The following GPATCH8 variants were observed in gnomAD, a reference collection of about 807,000 sequenced individuals.
GPATCH8 encodes the protein G patch domain-containing protein 8.
GPATCH8 carries 18 observed loss-of-function variants against 118.3 expected under a neutral mutation model. The ratio of observed to expected loss-of-function variants is 0.15; its 90% CI spans 0.11 to 0.23. The LOEUF is 0.23. Among genes scored for constraint, GPATCH8 ranks in the 10% least tolerant of loss-of-function variants. GPATCH8 has a pLI of 1.00. For synonymous variants in GPATCH8, 659 were observed against 684.7 expected (o/e 0.96, Z 0.59); for missense variants, 1,631 against 1,873.8 (o/e 0.87, Z 2.39).
At chr17:44,458,747 C>A (rs2051436613) in intron 3 of GPATCH8, among the ~76,000 whole-genome samples, 1 of 152,116 alleles carries the variant, frequency 6.6e-6, no homozygotes, top group Non-Finnish European at 1.5e-5. Context: ...TGGTCTTGAA[C>A]CCTTGGCCTC....
chr17:44,453,853 T>C (rs2051226911), intron 3 of GPATCH8, among the ~76,000 whole-genome samples: 2 of 152,048 alleles, frequency 1.3e-5, no homozygotes, highest in South Asian at 4.1e-4. Context: ...TTTTAAACTA[T>C]TCCTGGAGAC....
chr17:44,467,011 T>C (rs2051795041), intron 2 of GPATCH8: 1 of 491,692 alleles, frequency 2.0e-6, no homozygotes, highest in Admixed American at 2.4e-5. Flanking sequence ...TGTTATATTA[T>C]GAATGCACTC....
At position 44,400,607 on chromosome 17, in the gene GPATCH8, T is replaced by A; in HGVS notation, c.1470A>T (p.Val490=). The A allele has an allele frequency of 6.2e-7, 1 of 1,614,108 alleles. No individual in the cohort carries two copies. The highest frequency in any genetic ancestry group is 8.5e-7 in the Non-Finnish European group (1 of 1,179,940). ...AEAKKALGGD[V]SDQSLESHSQ... ...TATGACTTTCTAAACTCTGATCACTTACATCCCCTCCTAAGGCCTTCTTTG... is the reference window on the plus strand; with the variant it reads ...TATGACTTTCTAAACTCTGATCACTAACATCCCCTCCTAAGGCCTTCTTTG... Residue 490 remains valine (V), a synonymous_variant, in exon 8 of 8, where the codon GTA becomes GTT. Transcript: ENST00000591680.
intron 4 of GPATCH8, 33 bp from the exon 5 acceptor site, chr17:44,435,184 C>T (rs766361045): frequency 1.1e-6 from 1 of 928,030 alleles, no homozygotes. Flanking sequence ...AGATTTAATT[C>T]CTAAAGTACC....
chr17:44,491,446 C>A (rs935407058), intron 1 of GPATCH8, among the ~76,000 whole-genome samples: 1 of 149,954 alleles, frequency 6.7e-6, no homozygotes, highest in Non-Finnish European at 1.5e-5. Context: ...CGAGATTGCG[C>A]CACTGCACTC....
intron 3 of GPATCH8, among the ~76,000 whole-genome samples, chr17:44,454,733 C>A (rs1285275826): frequency 6.6e-6 from 1 of 152,208 alleles, no homozygotes; most frequent in Non-Finnish European, 1.5e-5. Flanking sequence ...CTTTCCTTTT[C>A]TGTTTTATCC....
chr17:44,431,460 G>A (rs1333861727), intron 5 of GPATCH8, among the ~76,000 whole-genome samples: 1 of 151,288 alleles, frequency 6.6e-6, no homozygotes, highest in Admixed American at 6.6e-5. Flanking sequence ...AATGTGATGG[G>A]ATCATGAAGT....
At position 44,398,958 on chromosome 17, in the gene GPATCH8, C is replaced by T. The variant is rs764196420; in HGVS notation, c.3119G>A (p.Arg1040Gln). 4.0e-5 allele frequency: 64 copies of T among 1,614,000 alleles called. No homozygotes were observed. Among genetic ancestry groups the T allele is most frequent in the Non-Finnish European group, 5.3e-5 (62 of 1,180,024 alleles). The change falls in exon 8 of 8, where the codon CGA (arginine) becomes CAA (glutamine). Residue 1040 changes from arginine (R) to glutamine (Q), a missense_variant. Physicochemically the swap from Arg to Gln is conservative, Grantham distance 43. This residue lies in a region of GPATCH8 where 922 missense variants were observed against 879.7 expected (regional missense o/e 1.05). Transcript: ENST00000591680. ...CCCAGGACCTTCTCCCCGGCCTGAT[C>T]GGAAATAGTGGGGGGACTGGGAGCG... is the stretch of plus-strand genomic sequence containing the variant. ...IYRSQSPHYFRSGRGEGPGKK... is the reference protein window; with the variant it reads ...IYRSQSPHYFQSGRGEGPGKK...
At chr17:44,410,329 C>T (rs888809864) in intron 6 of GPATCH8, among the ~76,000 whole-genome samples, 1 of 152,180 alleles carries the variant, frequency 6.6e-6, no homozygotes, top group Non-Finnish European at 1.5e-5. Flanking sequence ...ACATGCCTGC[C>T]TATGAGAGAA....
At chr17:44,496,161 C>T (rs989209613) in intron 1 of GPATCH8, among the ~76,000 whole-genome samples, 2 of 152,108 alleles carry the variant, frequency 1.3e-5, no homozygotes, top group Admixed American at 6.6e-5. Context: ...TGAGCCACCG[C>T]GCCCAGCCTA....
In GPATCH8 at chr17:44,398,983, G is replaced by C. The variant is rs201081173; in HGVS notation, c.3094C>G (p.Arg1032Gly). The C allele has an allele frequency of 1.9e-6, 3 of 1,614,008 alleles. No individual in the cohort carries two copies. Among genetic ancestry groups the C allele is most frequent in the Non-Finnish European group, 1.7e-6 (2 of 1,179,944 alleles). Residue 1032 changes from arginine (R) to glycine (G), a missense_variant, in exon 8 of 8, where the codon CGC (arginine) becomes GGC (glycine). Around this residue, in one of 8 missense-constraint regions of GPATCH8, gnomAD observed 922 missense variants for 879.7 expected, o/e 1.05. Transcript: ENST00000591680. ...RRDFIRSKIYRSQSPHYFRSG... is the reference protein window; with the variant it reads ...RRDFIRSKIYGSQSPHYFRSG... ...CGGAAATAGTGGGGGGACTGGGAGC[G>C]GTAGATCTTAGAACGAATGAAGTCC... is the stretch of plus-strand genomic sequence containing the variant.
At chr17:44,476,073 T>C (rs755356517) in intron 1 of GPATCH8, among the ~76,000 whole-genome samples, 14 of 152,118 alleles carry the variant, frequency 9.2e-5, no homozygotes, top group Non-Finnish European at 1.8e-4. Flanking sequence ...GGCCTAGTAA[T>C]CTGAACTTTT....
intron 3 of GPATCH8, among the ~76,000 whole-genome samples, chr17:44,442,395 A>G (rs191644970): frequency 6.6e-5 from 10 of 152,298 alleles, no homozygotes; most frequent in African/African-American, 1.9e-4. Context: ...TCTTTTAAAG[A>G]TATCTAAAGT....
chr17:44,454,714 C>T (rs2051260621), intron 3 of GPATCH8, among the ~76,000 whole-genome samples: 1 of 152,216 alleles, frequency 6.6e-6, no homozygotes, highest in African/African-American at 2.4e-5. Flanking sequence ...TGAGCCACCA[C>T]ATCCGGTCCT....
chr17:44,455,906 C>G (rs903107781), intron 3 of GPATCH8, among the ~76,000 whole-genome samples: 1 of 152,076 alleles, frequency 6.6e-6, no homozygotes, highest in Non-Finnish European at 1.5e-5. Flanking sequence ...CGCCACCATG[C>G]CCCGCTAATT....
intron 3 of GPATCH8, among the ~76,000 whole-genome samples, chr17:44,437,121 GAA>G (rs747420102): frequency 6.6e-6 from 1 of 152,126 alleles, no homozygotes; most frequent in Non-Finnish European, 1.5e-5. Context: ...ATGGGGCTGT[GAA>G]AAGTTTAAAT....
chr17:44,444,085 T>C (rs181445942), intron 3 of GPATCH8, among the ~76,000 whole-genome samples: 8 of 152,270 alleles, frequency 5.3e-5, no homozygotes, highest in Non-Finnish European at 1.0e-4. Context: ...ATTTTAATCA[T>C]ATAACTAAAT....
At chr17:44,485,196 T>TG (rs1362414663) in intron 1 of GPATCH8, among the ~76,000 whole-genome samples, 6 of 151,922 alleles carry the variant, frequency 3.9e-5, no homozygotes, top group Non-Finnish European at 7.4e-5. Flanking sequence ...CCGCACCTCC[T>TG]GGGCTCAAGT....
intron 2 of GPATCH8, among the ~76,000 whole-genome samples, chr17:44,466,250 C>T (rs957941277): frequency 6.6e-6 from 1 of 152,094 alleles, no homozygotes; most frequent in African/African-American, 2.4e-5. Context: ...TCAAGCAATC[C>T]TCCCTCCTCA....
Sources: gnomAD v4.1 joint callset for allele counts (sites outside exome capture counted in the v4.1 genomes callset) on GRCh38, gnomAD v4.1.1 for gene constraint, gnomAD v4.1.1 regional missense constraint, MANE v1.5 for transcripts, NCBI Gene and HGNC (gene_info 2026-07-23, HGNC 2026-07-21) for gene names.